PRKCE: variants seen among roughly 807,000 people sequenced by gnomAD.
PRKCE encodes protein kinase C epsilon, also known as protein kinase C epsilon type.
In PRKCE, 16 loss-of-function variants were observed where a neutral mutation model predicts 85.4. That is an observed-to-expected ratio of 0.19 (90% CI 0.13 to 0.28). The LOEUF (loss-of-function observed/expected upper bound fraction) is 0.28, where lower values mean the gene tolerates loss of function less well. Among genes scored for constraint, PRKCE ranks in the 10% least tolerant of loss-of-function variants. The pLI, the probability that PRKCE is intolerant of heterozygous loss-of-function variation, is 1.00. For missense variants in PRKCE, 573 were observed against 975.2 expected, an observed-to-expected ratio of 0.59 and a Z score of 5.49; for synonymous variants, 388 against 371.5, an observed-to-expected ratio of 1.04 and a Z score of -0.51.
chr2:45,857,421 G>C (rs934400669), intron 2 of PRKCE, among the ~76,000 whole-genome samples: 4 of 152,212 alleles, frequency 2.6e-5, no homozygotes, highest in Non-Finnish European at 5.9e-5. Context: ...TGGGCAGCCT[G>C]TCAACCTGCT....
intron 10 of PRKCE, among the ~76,000 whole-genome samples, chr2:46,042,081 C>A (rs1351413832): frequency 2.0e-5 from 3 of 152,158 alleles, no homozygotes; most frequent in Non-Finnish European, 4.4e-5. Context: ...GGATTACCAG[C>A]CAAGTTAATA....
rs990991926 is a variant in PRKCE, at chr2:46,187,046, A to G, written c.*2165A>G. 6 of 152,782 alleles carry G rather than the reference A, an allele frequency of 3.9e-5. No individual in the cohort carries two copies. The highest frequency in any genetic ancestry group is 7.2e-5 in the African/African-American group (3 of 41,582). 9.5% of individuals were successfully genotyped at this position (152,782 alleles called of 1,614,324 possible). On this transcript the variant is annotated 3_prime_UTR_variant, in exon 15 of 15. Coordinates refer to ENST00000306156, the MANE Select transcript of PRKCE (RefSeq NM_005400.3). ...TGGAGTTGAGTACAAGCACAGAAACATCTTTACGGTGGCATCATCTCATTT... is the reference window on the plus strand; with the variant it reads ...TGGAGTTGAGTACAAGCACAGAAACGTCTTTACGGTGGCATCATCTCATTT...
intron 11 of PRKCE, among the ~76,000 whole-genome samples, chr2:46,087,686 A>G (rs1669774754): frequency 6.9e-6 from 1 of 145,366 alleles, no homozygotes; most frequent in African/African-American, 2.8e-5. Context: ...TCCATCCATT[A>G]TCTCACAGTT....
chr2:45,773,805 A>G (rs1480508935), intron 1 of PRKCE, among the ~76,000 whole-genome samples: 1 of 152,128 alleles, frequency 6.6e-6, no homozygotes, highest in Non-Finnish European at 1.5e-5. Flanking sequence ...CTGGCCATCC[A>G]GAGTGGCCTG....
chr2:45,748,808 A>C (rs1445621294), intron 1 of PRKCE, among the ~76,000 whole-genome samples: 2 of 152,134 alleles, frequency 1.3e-5, no homozygotes, highest in Admixed American at 1.3e-4. Context: ...ACCTGAGAGC[A>C]ATGAGAGATG....
intron 2 of PRKCE, among the ~76,000 whole-genome samples, chr2:45,949,958 A>G (rs1356252160): frequency 2.0e-5 from 3 of 150,118 alleles, no homozygotes; most frequent in South Asian, 4.2e-4. Flanking sequence ...TTTTTTGGCC[A>G]TTTTTCTTCT....
Position 45,710,299 on chromosome 2 carries a change from A to C in PRKCE, c.348+57851A>C, listed in dbSNP as rs951370300. On this transcript the variant is annotated intron_variant, in intron 1 of 14. Coordinates refer to ENST00000306156, the MANE Select transcript of PRKCE (RefSeq NM_005400.3). The stretch of plus-strand genomic sequence containing the variant: ...ATCCCCAGTTTTTCAGCAGTAAAGC[A>C]AGAGGCCAAGCTGGGATTTGAACCC... Among the ~76,000 whole-genome samples, 5 of 152,234 alleles carry C rather than the reference A, an allele frequency of 3.3e-5. No homozygotes were observed. The South Asian group carries it at 1.0e-3, about 31-fold the overall frequency.
chr2:45,710,103 C>A (rs982966529), intron 1 of PRKCE, among the ~76,000 whole-genome samples: 2 of 152,214 alleles, frequency 1.3e-5, no homozygotes, highest in Non-Finnish European at 2.9e-5. Context: ...GCCCATTTAT[C>A]TTATTTAATT....
In PRKCE at chr2:45,781,709, A is replaced by G. The variant is rs556267627; in HGVS notation, c.349-61291A>G. On this transcript the variant is annotated intron_variant, in intron 1 of 14. Transcript: ENST00000306156. Reference sequence around the variant, plus strand: ...ATAATGTAGTTTGCTGTGTGGTCTGATCTCTGTGAAATATTTGCTTTTCTT... The same window carrying G: ...ATAATGTAGTTTGCTGTGTGGTCTGGTCTCTGTGAAATATTTGCTTTTCTT... Among the ~76,000 whole-genome samples, 8 of 151,832 alleles carry G rather than the reference A, an allele frequency of 5.3e-5. No homozygotes were observed. The South Asian group carries it at 1.7e-3, about 32-fold the overall frequency.
intron 1 of PRKCE, among the ~76,000 whole-genome samples, chr2:45,665,762 G>C (rs532794714): frequency 2.0e-5 from 3 of 152,260 alleles, no homozygotes; most frequent in South Asian, 4.1e-4. Flanking sequence ...AAAAGTATTT[G>C]TTGTTCATAT....
At chr2:46,040,388 C>G (rs996683528) in intron 10 of PRKCE, among the ~76,000 whole-genome samples, 6 of 152,150 alleles carry the variant, frequency 3.9e-5, no homozygotes, top group African/African-American at 1.2e-4. Context: ...AGACAGATGG[C>G]AGAGCACCGT....
chr2:45,910,791 G>C (rs932303345), intron 2 of PRKCE, among the ~76,000 whole-genome samples: 8 of 152,176 alleles, frequency 5.3e-5, no homozygotes, highest in Non-Finnish European at 1.2e-4. Context: ...CCAAGGTTAG[G>C]GGGCTAGAGC....
intron 1 of PRKCE, among the ~76,000 whole-genome samples, chr2:45,704,915 G>T (rs375430851): frequency 4.6e-5 from 7 of 152,304 alleles, no homozygotes; most frequent in African/African-American, 1.7e-4. Context: ...CTGCTGTATA[G>T]TGTGATCTTA....
intron 2 of PRKCE, among the ~76,000 whole-genome samples, chr2:45,864,381 C>T (rs992442104): frequency 3.3e-5 from 5 of 152,234 alleles, no homozygotes; most frequent in Admixed American, 1.3e-4. Flanking sequence ...AGTCCTACCA[C>T]ACCACCCTCA....
chr2:45,791,393 C>T (rs932333581), intron 1 of PRKCE, among the ~76,000 whole-genome samples: 2 of 152,192 alleles, frequency 1.3e-5, no homozygotes, highest in Admixed American at 1.3e-4. Flanking sequence ...TCCCTTTACC[C>T]ATGGAGCCCC....
At chr2:45,979,863 A>G (rs1436895510) in intron 4 of PRKCE, among the ~76,000 whole-genome samples, 1 of 152,222 alleles carries the variant, frequency 6.6e-6, no homozygotes, top group Admixed American at 6.5e-5. Context: ...AAAAAGCCTC[A>G]GAACCTCTGC....
At chr2:45,918,240 T>C (rs888795799) in intron 2 of PRKCE, among the ~76,000 whole-genome samples, 2 of 152,140 alleles carry the variant, frequency 1.3e-5, no homozygotes, top group Admixed American at 1.3e-4. Flanking sequence ...CACCTCTCGC[T>C]ACTGCAGGTA....
intron 2 of PRKCE, among the ~76,000 whole-genome samples, chr2:45,916,603 T>C (rs1697799348): frequency 1.3e-5 from 2 of 152,260 alleles, no homozygotes; most frequent in Admixed American, 6.5e-5. Context: ...TGAGCAATTT[T>C]GACATCCTCT....
At chr2:45,961,243 C>CG (rs1471312591) in intron 2 of PRKCE, among the ~76,000 whole-genome samples, 1 of 152,168 alleles carries the variant, frequency 6.6e-6, no homozygotes, top group African/African-American at 2.4e-5. Context: ...CTTTCCCCCC[C>CG]CGATTTGGTT....
Sources: gnomAD v4.1 joint callset for allele counts (sites outside exome capture counted in the v4.1 genomes callset) on GRCh38, gnomAD v4.1.1 for gene constraint, MANE v1.5 for transcripts, NCBI Gene and HGNC (gene_info 2026-07-23, HGNC 2026-07-21) for gene names.